Variants in ZCWPW2 observed in about 807,000 individuals in gnomAD.
The protein encoded by ZCWPW2 is zinc finger CW-type and PWWP domain containing 2, also known as zinc finger CW-type PWWP domain protein 2.
A neutral mutation model predicts 46.6 loss-of-function variants in ZCWPW2; 45 were observed. The ratio of observed to expected loss-of-function variants is 0.96; its 90% CI spans 0.76 to 1.24. ZCWPW2 has a LOEUF of 1.24. Ranked by LOEUF, ZCWPW2 falls within the 50% of genes most tolerant of loss-of-function variation. The probability of loss-of-function intolerance (pLI) is 0.00; values close to 1 mark genes in which losing one functional copy is unlikely to be tolerated. For missense variants in ZCWPW2, 429 were observed against 403.9 expected, an observed-to-expected ratio of 1.06 and a Z score of -0.53; for synonymous variants, 152 against 137.1, an observed-to-expected ratio of 1.11 and a Z score of -0.76.
Position 28,489,641 on chromosome 3 carries a change from TTC to T in ZCWPW2, c.611-2478_611-2477del, listed in dbSNP as rs200398235. Among the ~76,000 whole-genome samples the T allele has an allele frequency of 4.7e-3, 665 of 140,242 alleles. 12 individuals carry two copies. The highest frequency in any genetic ancestry group is 0.017 in the African/African-American group (624 of 37,528). The allele number at this position is 140,242 out of a possible 152,430, so 92.0% of individuals were successfully genotyped here. A position where few individuals can be genotyped will look rare whatever the true frequency, so the allele number is the denominator to read the frequency against. ...CAAAGATCAAGATCTCTCTCTTTCT[TTC>T]TCTCTCTTTCACACACACACGCGCG... On this transcript the variant is annotated intron_variant, in intron 5 of 9. Coordinates refer to ENST00000383768, the MANE Select transcript of ZCWPW2 (RefSeq NM_001040432.4).
chr3:28,424,391 A>G (rs916486553), intron 3 of ZCWPW2, among the ~76,000 whole-genome samples: 1 of 152,130 alleles, frequency 6.6e-6, no homozygotes, highest in Non-Finnish European at 1.5e-5. Context: ...GAATGTGACC[A>G]TATTTGCAGA....
rs141865664 is a variant in ZCWPW2, at chr3:28,447,354, A to T, written c.492+12085A>T. Among the ~76,000 whole-genome samples the T allele has an allele frequency of 3.3e-4, 50 of 152,266 alleles. 1 individual carries two copies. Among genetic ancestry groups the T allele is most frequent in the African/African-American group, 1.1e-3 (46 of 41,578 alleles). ...GGAATGTAAGAATAGTTCAATATAT[A>T]AAAATCAACTAATGTAATACACCAC... On this transcript the variant is annotated intron_variant, in intron 4 of 9. Coordinates refer to ENST00000383768, the MANE Select transcript of ZCWPW2 (RefSeq NM_001040432.4).
At position 28,478,876 on chromosome 3, in the gene ZCWPW2, CTA is replaced by C. The variant is rs769338645; in HGVS notation, c.557_558del (p.Tyr186TrpfsTer5). 6.9e-6 allele frequency: 11 copies of C among 1,589,874 alleles called. No homozygotes were observed. The East Asian group carries it at 1.9e-4, about 27-fold the overall frequency. ...GTGCACTACAAGAAGCATGTCTACT[CTA>C]TGGATATTCTCATGAGCAAAGACTG... ...KSALQEACLL[Y>X]GYSHEQRLEM... On this transcript the variant is annotated frameshift_variant, in exon 5 of 10. Transcript: ENST00000383768. LOFTEE classifies it high-confidence loss of function.
At chr3:28,380,708 C>A (rs1695014979) in intron 1 of ZCWPW2, among the ~76,000 whole-genome samples, 1 of 151,482 alleles carries the variant, frequency 6.6e-6, no homozygotes, top group Non-Finnish European at 1.5e-5. Flanking sequence ...TCTTAGTAGT[C>A]AAACTTGATT....
At chr3:28,484,547 A>G (rs932941598) in intron 5 of ZCWPW2, among the ~76,000 whole-genome samples, 2 of 152,154 alleles carry the variant, frequency 1.3e-5, no homozygotes, top group Non-Finnish European at 2.9e-5. Flanking sequence ...CATCTAGGTT[A>G]TAAAATTTGT....
intron 4 of ZCWPW2, among the ~76,000 whole-genome samples, chr3:28,446,276 A>G (rs1187303908): frequency 1.3e-5 from 2 of 152,162 alleles, no homozygotes; most frequent in Non-Finnish European, 2.9e-5. Flanking sequence ...ATGATGGACT[A>G]CAAATTATGT....
In ZCWPW2 at chr3:28,413,658, C is replaced by T. The variant is rs531720313; in HGVS notation, c.332+258C>T. Among the ~76,000 whole-genome samples, 178 of 152,126 alleles carry T rather than the reference C, an allele frequency of 1.2e-3. 1 individual carries two copies. Among genetic ancestry groups the T allele is most frequent in the Non-Finnish European group, 1.5e-3 (102 of 67,954 alleles). On this transcript the variant is annotated intron_variant, in intron 3 of 9. Transcript: ENST00000383768. ...TCTCCAAGTAGTGTTGTAGCTTCCT[C>T]CTACAAATTTTGATATACTGTGTTT...
intron 4 of ZCWPW2, among the ~76,000 whole-genome samples, chr3:28,453,729 A>G (rs1698311840): frequency 6.6e-6 from 1 of 151,878 alleles, no homozygotes. Context: ...TTCTTGTTAC[A>G]TTCTTCCATC....
At chr3:28,398,466 G>A (rs1479794176) in intron 2 of ZCWPW2, among the ~76,000 whole-genome samples, 3 of 152,166 alleles carry the variant, frequency 2.0e-5, no homozygotes, top group Non-Finnish European at 2.9e-5. Context: ...AACTCGGATG[G>A]ATAGAACAGT....
chr3:28,385,701 A>C (rs1025347325), intron 1 of ZCWPW2, among the ~76,000 whole-genome samples: 1 of 152,132 alleles, frequency 6.6e-6, no homozygotes, highest in Non-Finnish European at 1.5e-5. Context: ...GTTTCTATGG[A>C]GCTTTGTAGG....
intron 4 of ZCWPW2, among the ~76,000 whole-genome samples, chr3:28,470,510 AAAGG>A (rs1699000178): frequency 7.0e-6 from 1 of 142,518 alleles, no homozygotes; most frequent in African/African-American, 2.8e-5. Context: ...AAAAAAAAAA[AAAGG>A]AAGGAAATTT....
At chr3:28,406,115 C>T (rs1439814726) in intron 2 of ZCWPW2, among the ~76,000 whole-genome samples, 2 of 152,066 alleles carry the variant, frequency 1.3e-5, no homozygotes, top group Non-Finnish European at 2.9e-5. Context: ...TGGCTTGGCT[C>T]TTCTTGACTG....
At chr3:28,391,251 A>G (rs951516783) in intron 2 of ZCWPW2, among the ~76,000 whole-genome samples, 1 of 152,168 alleles carries the variant, frequency 6.6e-6, no homozygotes, top group Non-Finnish European at 1.5e-5. Flanking sequence ...AGTCTGATAC[A>G]TGGTTAAAAA....
intron 1 of ZCWPW2, among the ~76,000 whole-genome samples, chr3:28,351,121 C>G (rs1223184487): frequency 1.3e-5 from 2 of 151,176 alleles, no homozygotes; most frequent in Non-Finnish European, 2.9e-5. Context: ...CTGAAATTTT[C>G]AAAACAAGTC....
chr3:28,468,185 A>T lies in ZCWPW2; in HGVS notation c.493-10629A>T, dbSNP rs138333513. Reference sequence around the variant, plus strand: ...AAAATGCAATTGACATAGTGAAGAAAGCATCAGAGTCTCAATAGCAGAATT... The same window carrying T: ...AAAATGCAATTGACATAGTGAAGAATGCATCAGAGTCTCAATAGCAGAATT... On this transcript the variant is annotated intron_variant, in intron 4 of 9. Transcript: ENST00000383768. 2.5e-3 allele frequency among the ~76,000 whole-genome samples: 387 copies of T among 152,184 alleles called. 1 individual carries two copies. Among genetic ancestry groups the T allele is most frequent in the African/African-American group, 8.4e-3 (351 of 41,540 alleles).
chr3:28,459,859 A>G (rs1318107951), intron 4 of ZCWPW2, among the ~76,000 whole-genome samples: 1 of 152,158 alleles, frequency 6.6e-6, no homozygotes, highest in Non-Finnish European at 1.5e-5. Context: ...AAATTGCCAC[A>G]TGTAGCAGTT....
intron 1 of ZCWPW2, among the ~76,000 whole-genome samples, chr3:28,388,958 A>G (rs1184860967): frequency 6.6e-6 from 1 of 152,180 alleles, no homozygotes; most frequent in Admixed American, 6.5e-5. Flanking sequence ...GTGAAGCAGT[A>G]TCCCAGTTTC....
rs578057220 is a variant in ZCWPW2, at chr3:28,477,084, G to A, written c.493-1730G>A. 4.9e-4 allele frequency among the ~76,000 whole-genome samples: 75 copies of A among 152,162 alleles called. 1 individual carries two copies. Among genetic ancestry groups the A allele is most frequent in the South Asian group, 1.5e-3 (7 of 4,816 alleles). On this transcript the variant is annotated intron_variant, in intron 4 of 9. Transcript: ENST00000383768. ...TATTCCTATATACAGAATAGTGTAG[G>A]AACTGTTTAGTGCTATAAGCTTTAA...
intron 2 of ZCWPW2, among the ~76,000 whole-genome samples, chr3:28,396,109 C>T (rs185763071): frequency 2.0e-5 from 3 of 152,076 alleles, no homozygotes; most frequent in East Asian, 3.9e-4. Context: ...ATTGGAAAAG[C>T]CAGAATGGAT....
Sources: gnomAD v4.1 joint callset for allele counts (sites outside exome capture counted in the v4.1 genomes callset) on GRCh38, gnomAD v4.1.1 for gene constraint, MANE v1.5 for transcripts, NCBI Gene and HGNC (gene_info 2026-07-23, HGNC 2026-07-21) for gene names.